The following RTTN variants were observed in gnomAD, a reference collection of about 807,000 sequenced individuals.
The protein encoded by RTTN is rotatin.
In RTTN, 182 loss-of-function variants were observed where a neutral mutation model predicts 269.2. The ratio of observed to expected loss-of-function variants is 0.68; its 90% CI spans 0.60 to 0.76. The LOEUF is 0.76. RTTN is among the 30% of genes least tolerant of loss of function. The pLI is 0.00. For synonymous variants in RTTN, 1,006 were observed against 963.5 expected (o/e 1.04, Z -0.82); for missense variants, 2,545 against 2,608.6 (o/e 0.98, Z 0.53).
chr18:70,006,375 A>G lies in RTTN; in HGVS notation c.6525+6T>C, dbSNP rs1303562506. ...CCCAGGTGTAACAATGATTTTTAAAACTGACCTTCTGATAATTGTAAATCA... is the reference window on the plus strand; with the variant it reads ...CCCAGGTGTAACAATGATTTTTAAAGCTGACCTTCTGATAATTGTAAATCA... On this transcript the variant is annotated splice_donor_region_variant and intron_variant, in intron 47 of 48. Coordinates refer to ENST00000640769, the MANE Select transcript of RTTN (RefSeq NM_173630.4). 1.9e-6 allele frequency: 3 copies of G among 1,608,286 alleles called. No individual in the cohort carries two copies. The South Asian group carries it at 3.3e-5, about 18-fold the overall frequency.
At chr18:70,098,084 A>C (rs979721710) in intron 28 of RTTN, among the ~76,000 whole-genome samples, 1 of 152,090 alleles carries the variant, frequency 6.6e-6, no homozygotes, top group Non-Finnish European at 1.5e-5. Flanking sequence ...TTATAGGTTC[A>C]ATTATATATT....
chr18:70,022,167 A>G (rs141566172), intron 44 of RTTN, among the ~76,000 whole-genome samples: 76 of 152,164 alleles, frequency 5.0e-4, no homozygotes, highest in African/African-American at 1.8e-3. Flanking sequence ...TTCCTCTAAA[A>G]ACAGCTACTT....
chr18:70,081,373 AT>A (rs2058563381), intron 32 of RTTN, among the ~76,000 whole-genome samples: 1 of 152,200 alleles, frequency 6.6e-6, no homozygotes, highest in Non-Finnish European at 1.5e-5. Context: ...AGAAAGTTTG[AT>A]GAGAAACAGA....
intron 8 of RTTN, among the ~76,000 whole-genome samples, chr18:70,191,499 C>T (rs2061671114): frequency 6.6e-6 from 1 of 152,172 alleles, no homozygotes; most frequent in Non-Finnish European, 1.5e-5. Context: ...AAATGTATTA[C>T]TTCACTTAGT....
At position 70,054,058 on chromosome 18, in the gene RTTN, T is replaced by C. The variant is rs906125045; in HGVS notation, c.5185+73A>G. 7 of 1,250,170 alleles carry C rather than the reference T, an allele frequency of 5.6e-6. No homozygotes were observed. The African/African-American group carries it at 7.5e-5, about 13-fold the overall frequency. The allele number at this position is 1,250,170 out of a possible 1,614,324, so 77.4% of individuals were successfully genotyped here. The stretch of plus-strand genomic sequence containing the variant: ...ACTCAAAAAGTAACCTTCAAGTGAA[T>C]ATCTGAAACAGAGTAAGTTTTTTTT... On this transcript the variant is annotated intron_variant, in intron 38 of 48. Transcript: ENST00000640769.
At chr18:70,063,413 T>C (rs2058046087) in intron 35 of RTTN, among the ~76,000 whole-genome samples, 1 of 152,194 alleles carries the variant, frequency 6.6e-6, no homozygotes, top group African/African-American at 2.4e-5. Context: ...CATGAGAGTT[T>C]GTGTTCTTTT....
chr18:70,056,530 C>A (rs1599310869), intron 37 of RTTN, among the ~76,000 whole-genome samples: 1 of 152,316 alleles, frequency 6.6e-6, no homozygotes, highest in Middle Eastern at 3.4e-3. Flanking sequence ...ATGAGACAAG[C>A]CCTATGCCAG....
intron 11 of RTTN, among the ~76,000 whole-genome samples, chr18:70,171,999 T>C (rs886735535): frequency 1.3e-5 from 2 of 152,208 alleles, no homozygotes; most frequent in African/African-American, 2.4e-5. Context: ...AATTCTTCCT[T>C]AGCCTTGGTA....
chr18:70,072,209 T>G (rs1422253540), intron 34 of RTTN, among the ~76,000 whole-genome samples: 2 of 152,108 alleles, frequency 1.3e-5, no homozygotes, highest in African/African-American at 2.4e-5. Flanking sequence ...TAAAAGTTGT[T>G]TGGAAACCTC....
chr18:70,092,929 G>T (rs2058890783), intron 28 of RTTN, 125 bp from the exon 29 acceptor site: 1 of 765,486 alleles, frequency 1.3e-6, no homozygotes, highest in Non-Finnish European at 1.9e-6. Flanking sequence ...AATATTTTTA[G>T]TTTATATACT....
At chr18:70,052,642 T>TATATATATATATA (rs372511831) in intron 38 of RTTN, among the ~76,000 whole-genome samples, 7 of 145,912 alleles carry the variant, frequency 4.8e-5, no homozygotes, top group Non-Finnish European at 7.5e-5. Context: ...ATTTATTTAC[T>TATATATATATATA]TATATATATA....
rs1020281686 is a variant in RTTN, at chr18:70,111,362, G to A, written c.3684-1645C>T. Among the ~76,000 whole-genome samples, 6 of 152,308 alleles carry A rather than the reference G, an allele frequency of 3.9e-5. No individual in the cohort carries two copies. The South Asian group carries it at 1.0e-3, about 26-fold the overall frequency. On this transcript the variant is annotated intron_variant, in intron 27 of 48. Coordinates refer to ENST00000640769, the MANE Select transcript of RTTN (RefSeq NM_173630.4). ...TCTGGAACGAAGCTTCCAGAGGAAA[G>A]ATCAGGCAGCAATCTTTGCTGTTCT... is the stretch of plus-strand genomic sequence containing the variant.
intron 9 of RTTN, among the ~76,000 whole-genome samples, chr18:70,189,911 G>A (rs1252684049): frequency 2.6e-5 from 4 of 152,292 alleles, no homozygotes; most frequent in Middle Eastern, 3.4e-3. Context: ...GTATATTTCA[G>A]TCAACCTCTT....
At chr18:70,119,455 A>G (rs1053238454) in intron 26 of RTTN, among the ~76,000 whole-genome samples, 1 of 152,024 alleles carries the variant, frequency 6.6e-6, no homozygotes, top group Non-Finnish European at 1.5e-5. Flanking sequence ...AGGAAAATGG[A>G]AGGAAAAAGC....
At chr18:70,084,696 T>C (rs1201355773) in intron 32 of RTTN, among the ~76,000 whole-genome samples, 2 of 152,168 alleles carry the variant, frequency 1.3e-5, no homozygotes, top group Non-Finnish European at 2.9e-5. Context: ...TTGTCCTTAT[T>C]TATCTAATTT....
intron 14 of RTTN, among the ~76,000 whole-genome samples, chr18:70,162,829 C>T (rs550249417): frequency 7.7e-6 from 1 of 130,198 alleles, no homozygotes; most frequent in Non-Finnish European, 1.6e-5. Flanking sequence ...CCCAGCAGCA[C>T]ACAATTTACC....
chr18:70,042,628 A>G (rs7228566), intron 40 of RTTN, among the ~76,000 whole-genome samples: 122,513 of 151,942 alleles, frequency 0.81, 53,807 homozygotes, highest in East Asian at 1. Context: ...CGCCCGCCTC[A>G]GCCTCCCAAC....
At chr18:70,131,495 T>C (rs1287780421) in intron 23 of RTTN, 4 of 151,654 alleles carry the variant, frequency 2.6e-5, no homozygotes, top group Non-Finnish European at 1.5e-5. Flanking sequence ...TTATAATCTC[T>C]ATATTATAAA....
chr18:70,182,273 A>AAGT (rs1235368306), intron 10 of RTTN, among the ~76,000 whole-genome samples: 1 of 152,172 alleles, frequency 6.6e-6, no homozygotes, highest in Non-Finnish European at 1.5e-5. Flanking sequence ...TCTTTCTTAC[A>AAGT]TGGGTATTGT....
Sources: allele counts gnomAD v4.1 joint callset (sites outside exome capture counted in the v4.1 genomes callset), GRCh38; gene constraint gnomAD v4.1.1; transcripts MANE v1.5; gene names NCBI Gene and HGNC (gene_info 2026-07-23, HGNC 2026-07-21).